Variants in LRRIQ1 observed in about 807,000 individuals in gnomAD.
LRRIQ1 encodes the protein leucine rich repeats and IQ motif containing 1.
A neutral mutation model predicts 211.9 loss-of-function variants in LRRIQ1; 210 were observed. The ratio of observed to expected loss-of-function variants is 0.99; its 90% CI spans 0.89 to 1.11. The LOEUF is 1.11. Among genes scored for constraint, LRRIQ1 ranks in the 50% most tolerant of loss-of-function variants. The probability of loss-of-function intolerance (pLI) is 0.00; values close to 1 mark genes in which losing one functional copy is unlikely to be tolerated. For missense variants in LRRIQ1, 2,136 were observed against 1,939.5 expected, an observed-to-expected ratio of 1.10 and a Z score of -1.90; for synonymous variants, 699 against 650.1, an observed-to-expected ratio of 1.08 and a Z score of -1.14.
chr12:85,152,144 T>G (rs1890286201), intron 19 of LRRIQ1, 136 bp from the exon 20 acceptor site: 3 of 641,574 alleles, frequency 4.7e-6, no homozygotes, highest in Non-Finnish European at 7.7e-6. Context: ...CATCTCACAA[T>G]AGTAAGTAGA....
intron 24 of LRRIQ1, among the ~76,000 whole-genome samples, chr12:85,189,156 A>C (rs948793274): frequency 6.6e-6 from 1 of 152,170 alleles, no homozygotes; most frequent in Non-Finnish European, 1.5e-5. Flanking sequence ...GGGAATGCCA[A>C]GATATGCTCC....
chr12:85,114,191 G>C lies in LRRIQ1; in HGVS notation c.3378-7506G>C, dbSNP rs185144088. On this transcript the variant is annotated intron_variant, in intron 15 of 26. Transcript: ENST00000393217. Reference sequence around the variant, plus strand: ...AGTATAATTACATCTAAAAGGCACTGCTTGGCAAGTAATACTGTTTATAAT... The same window carrying C: ...AGTATAATTACATCTAAAAGGCACTCCTTGGCAAGTAATACTGTTTATAAT... 4.5e-3 allele frequency among the ~76,000 whole-genome samples: 691 copies of C among 152,100 alleles called. 2 individuals carry two copies. The highest frequency in any genetic ancestry group is 7.7e-3 in the Non-Finnish European group (521 of 68,002).
intron 19 of LRRIQ1, among the ~76,000 whole-genome samples, chr12:85,144,162 A>C (rs996185943): frequency 2.6e-5 from 4 of 151,574 alleles, no homozygotes; most frequent in African/African-American, 9.7e-5. Flanking sequence ...GAGAACATGC[A>C]GTATTTGGTT....
chr12:85,092,003 C>G (rs1387920559), intron 11 of LRRIQ1, among the ~76,000 whole-genome samples: 1 of 152,164 alleles, frequency 6.6e-6, no homozygotes, highest in Non-Finnish European at 1.5e-5. Context: ...CACCACCTGT[C>G]AGTTCATCAG....
chr12:85,089,886 T>C (rs1306643165), intron 11 of LRRIQ1, among the ~76,000 whole-genome samples: 1 of 152,144 alleles, frequency 6.6e-6, no homozygotes, highest in East Asian at 1.9e-4. Context: ...TTTGCATGAC[T>C]AAAAAGGAGG....
intron 24 of LRRIQ1, among the ~76,000 whole-genome samples, chr12:85,171,304 A>G (rs953222477): frequency 6.6e-6 from 1 of 152,194 alleles, no homozygotes; most frequent in African/African-American, 2.4e-5. Context: ...TTAGAATCCA[A>G]TAAAGAGAAG....
intron 26 of LRRIQ1, among the ~76,000 whole-genome samples, chr12:85,237,580 A>G (rs1895249604): frequency 6.6e-6 from 1 of 152,116 alleles, no homozygotes; most frequent in South Asian, 2.1e-4. Flanking sequence ...GAGACTCTAG[A>G]GACCAATCAA....
At chr12:85,066,168 T>C (rs929698469) in intron 9 of LRRIQ1, among the ~76,000 whole-genome samples, 1 of 151,900 alleles carries the variant, frequency 6.6e-6, no homozygotes, top group African/African-American at 2.4e-5. Flanking sequence ...GATTCACATC[T>C]TTCCCACATG....
chr12:85,064,223 G>C (rs921699815), intron 8 of LRRIQ1, among the ~76,000 whole-genome samples: 1 of 151,702 alleles, frequency 6.6e-6, no homozygotes, highest in Non-Finnish European at 1.5e-5. Context: ...ATTTTAACTG[G>C]GGTGAGTTGA....
chr12:85,189,224 T>A (rs2136927199), intron 24 of LRRIQ1, among the ~76,000 whole-genome samples: 1 of 152,072 alleles, frequency 6.6e-6, no homozygotes, highest in African/African-American at 2.4e-5. Context: ...CCAGATGAAA[T>A]GAAGAAAAGA....
chr12:85,236,830 C>CATAT (rs60371759), intron 26 of LRRIQ1, among the ~76,000 whole-genome samples: 1,239 of 108,768 alleles, frequency 0.011, 38 homozygotes, highest in East Asian at 0.041. Flanking sequence ...TGTATGTGTG[C>CATAT]ATATATATAT....
In LRRIQ1 at chr12:85,056,833, A is replaced by C. The variant is rs779926811; in HGVS notation, c.2040A>C (p.Arg680Ser). Residue 680 changes from arginine (R) to serine (S), a missense_variant, in exon 8 of 27, where the codon AGA (arginine) becomes AGC (serine). Physicochemically the swap from Arg to Ser is moderately radical, Grantham distance 110. Transcript: ENST00000393217. ...KRNDQDYVLG[R>S]HAPCEGLSNY... ...ATGACCAAGATTATGTGTTAGGTAG[A>C]CATGCTCCTTGTGAGGGCTTGAGTA... 1.2e-5 allele frequency: 20 copies of C among 1,613,080 alleles called. No individual in the cohort carries two copies. In the Admixed American group the frequency reaches 3.3e-4, roughly 27 times the overall value.
intron 24 of LRRIQ1, among the ~76,000 whole-genome samples, chr12:85,212,795 GAGAGAA>G (rs1893899721): frequency 6.7e-6 from 1 of 149,484 alleles, no homozygotes; most frequent in African/African-American, 2.4e-5. Context: ...TATAGAGAGA[GAGAGAA>G]AGAGAGAGAG....
intron 7 of LRRIQ1, among the ~76,000 whole-genome samples, 199 bp from the exon 8 acceptor site, chr12:85,055,343 CAACTT>C (rs956917719): frequency 5.3e-5 from 8 of 151,962 alleles, no homozygotes; most frequent in Non-Finnish European, 4.4e-5. Flanking sequence ...ATTAGAGTAT[CAACTT>C]AACATGATTC....
intron 24 of LRRIQ1, among the ~76,000 whole-genome samples, chr12:85,182,265 G>A (rs182154624): frequency 1.3e-5 from 2 of 151,900 alleles, no homozygotes; most frequent in East Asian, 3.9e-4. Context: ...AATAGTTTGA[G>A]GACATAAAAA....
At chr12:85,173,660 GAA>G (rs1891535214) in intron 24 of LRRIQ1, among the ~76,000 whole-genome samples, 1 of 151,344 alleles carries the variant, frequency 6.6e-6, no homozygotes, top group South Asian at 2.1e-4. Context: ...CACACACACA[GAA>G]AGAGAGAGAG....
rs1893265893 is a variant in LRRIQ1, at chr12:85,201,048, C to A, written c.4823-28469C>A. 2.0e-5 allele frequency among the ~76,000 whole-genome samples: 3 copies of A among 151,550 alleles called. No individual in the cohort carries two copies. The South Asian group carries it at 6.3e-4, about 32-fold the overall frequency. On this transcript the variant is annotated intron_variant, in intron 24 of 26. Transcript: ENST00000393217. ...GTTTCACCATGTTGGCCAGGCTGGT[C>A]TTGAACTCCTGACCTCAAATGATTC... is the stretch of plus-strand genomic sequence containing the variant.
Position 85,121,887 on chromosome 12 carries a change from G to T in LRRIQ1, c.3557+11G>T. 6.4e-7 allele frequency: 1 copy of T among 1,570,728 alleles called. No homozygotes were observed. On this transcript the variant is annotated intron_variant, in intron 16 of 26. Coordinates refer to ENST00000393217, the MANE Select transcript of LRRIQ1 (RefSeq NM_001079910.2). ...TATAACTGGAAAAGGGTAAGATTGT[G>T]ATCTTCCCATTGATGTATTTAGAAT...
At position 85,056,866 on chromosome 12, in the gene LRRIQ1, T is replaced by C; in HGVS notation, c.2073T>C (p.Asn691=). The change falls in exon 8 of 27, where the codon AAT becomes AAC. Residue 691 remains asparagine (N), a synonymous_variant. Transcript: ENST00000393217. ...HAPCEGLSNY[N]AESSMVSKEV... Reference sequence around the variant, plus strand: ...CTTGTGAGGGCTTGAGTAACTATAATGCAGAAAGCTCCATGGTATCTAAAG... The same window carrying C: ...CTTGTGAGGGCTTGAGTAACTATAACGCAGAAAGCTCCATGGTATCTAAAG... 6.2e-7 allele frequency: 1 copy of C among 1,613,452 alleles called. No homozygotes were observed.
Sources: gnomAD v4.1 joint callset for allele counts (sites outside exome capture counted in the v4.1 genomes callset) on GRCh38, gnomAD v4.1.1 for gene constraint, MANE v1.5 for transcripts, NCBI Gene and HGNC (gene_info 2026-07-23, HGNC 2026-07-21) for gene names.